Variants in NEK1 observed in about 807,000 individuals in gnomAD.
NEK1 encodes NIMA related kinase 1.
NEK1 carries 137 observed loss-of-function variants against 182.1 expected under a neutral mutation model. The observed-to-expected ratio is 0.75, with a 90% confidence interval of 0.65 to 0.87. The LOEUF is 0.87. Ranked by LOEUF, NEK1 falls within the 40% of genes least tolerant of loss-of-function variation. The pLI is 0.00. For missense variants in NEK1, 1,391 were observed against 1,494.4 expected, an observed-to-expected ratio of 0.93 and a Z score of 1.14; for synonymous variants, 513 against 492.2, an observed-to-expected ratio of 1.04 and a Z score of -0.56.
intron 2 of NEK1, among the ~76,000 whole-genome samples, chr4:169,605,806 C>A (rs1333680732): frequency 6.6e-6 from 1 of 152,084 alleles, no homozygotes; most frequent in Non-Finnish European, 1.5e-5. Context: ...ATAATTATAT[C>A]AATTCAATCT....
At position 169,479,594 on chromosome 4, in the gene NEK1, A is replaced by G. The variant is rs1425142210; in HGVS notation, c.2008-60T>C. 8.8e-6 allele frequency: 12 copies of G among 1,362,720 alleles called. No homozygotes were observed. In the African/African-American group the frequency reaches 1.8e-4, roughly 20 times the overall value. 84.4% of individuals were successfully genotyped at this position (1,362,720 alleles called of 1,614,324 possible). A position where few individuals can be genotyped will look rare whatever the true frequency, so the allele number is the denominator to read the frequency against. On this transcript the variant is annotated intron_variant, in intron 23 of 35. Coordinates refer to ENST00000507142, the MANE Select transcript of NEK1 (RefSeq NM_001199397.3). ...TTTTATATTTGTATGAAGAAATAAA[A>G]TGGTACCTACCAGATCACTATTTAT...
At position 169,571,908 on chromosome 4, in the gene NEK1, T is replaced by TG. The variant is rs1764925062; in HGVS notation, c.1020+5019_1020+5020insC. Among the ~76,000 whole-genome samples the TG allele has an allele frequency of 2.0e-5, 3 of 150,700 alleles. 1 individual carries two copies. Among genetic ancestry groups the TG allele is most frequent in the African/African-American group, 7.3e-5 (3 of 40,908 alleles). ...CATGCCCAGCTAATTTTTTTTTTTT[T>TG]TTTGTATTTTTAGTAGAGAAGGTGT... is the stretch of plus-strand genomic sequence containing the variant. On this transcript the variant is annotated intron_variant, in intron 12 of 35. Transcript: ENST00000507142.
At chr4:169,395,074 C>T (rs531045830) in intron 35 of NEK1, among the ~76,000 whole-genome samples, 2 of 152,142 alleles carry the variant, frequency 1.3e-5, no homozygotes, top group Admixed American at 6.5e-5. Flanking sequence ...CATAACTAAC[C>T]ATTACTATTT....
chr4:169,447,340 TAA>T (rs1740771768), intron 27 of NEK1, among the ~76,000 whole-genome samples: 1 of 152,016 alleles, frequency 6.6e-6, no homozygotes, highest in Non-Finnish European at 1.5e-5. Flanking sequence ...AATGAAGAAA[TAA>T]AGACTACCAG....
chr4:169,394,442 G>C lies in NEK1; in HGVS notation c.*68C>G. On this transcript the variant is annotated 3_prime_UTR_variant, in exon 36 of 36. Transcript: ENST00000507142. ...AATAATTGCTGTATTTCCCACTGAA[G>C]CTTGTTATTCTGATAAGCCAAATTC... 1.0e-6 allele frequency: 1 copy of C among 983,162 alleles called. No individual in the cohort carries two copies. Among genetic ancestry groups the C allele is most frequent in the Non-Finnish European group, 1.6e-6 (1 of 644,112 alleles). 60.9% of individuals were successfully genotyped at this position (983,162 alleles called of 1,614,324 possible). A position where few individuals can be genotyped will look rare whatever the true frequency, so the allele number is the denominator to read the frequency against.
At chr4:169,568,403 T>A (rs551137892) in intron 12 of NEK1, among the ~76,000 whole-genome samples, 1 of 152,194 alleles carries the variant, frequency 6.6e-6, no homozygotes, top group African/African-American at 2.4e-5. Flanking sequence ...CTGAACTCTA[T>A]TAGAAAACAT....
chr4:169,431,797 C>T (rs1488630590), intron 29 of NEK1, among the ~76,000 whole-genome samples: 1 of 151,044 alleles, frequency 6.6e-6, no homozygotes, highest in African/African-American at 2.4e-5. Context: ...AAAAAAAATA[C>T]TAGAAAAACT....
chr4:169,592,610 G>A (rs1302202457), intron 5 of NEK1, among the ~76,000 whole-genome samples: 2 of 151,972 alleles, frequency 1.3e-5, no homozygotes, highest in Non-Finnish European at 2.9e-5. Context: ...TTACCTCAGG[G>A]AAGTGGATTG....
intron 19 of NEK1, among the ~76,000 whole-genome samples, chr4:169,526,139 A>G (rs1219444118): frequency 6.6e-6 from 1 of 152,210 alleles, no homozygotes; most frequent in South Asian, 2.1e-4. Flanking sequence ...GTTTCCCTAA[A>G]CTGCATTTTT....
At chr4:169,435,989 A>C (rs1738341516) in intron 28 of NEK1, among the ~76,000 whole-genome samples, 1 of 152,202 alleles carries the variant, frequency 6.6e-6, no homozygotes, top group African/African-American at 2.4e-5. Flanking sequence ...CTGCAGCCTC[A>C]AACTCTTGGG....
At chr4:169,511,642 T>C (rs1754204065) in intron 19 of NEK1, among the ~76,000 whole-genome samples, 1 of 152,148 alleles carries the variant, frequency 6.6e-6, no homozygotes. Context: ...CTGACATTGA[T>C]TCAAATTATA....
chr4:169,438,566 A>G (rs776597597), intron 27 of NEK1, among the ~76,000 whole-genome samples: 10 of 152,246 alleles, frequency 6.6e-5, no homozygotes, highest in Non-Finnish European at 1.3e-4. Context: ...TATATGAAGT[A>G]ACTCCTAGTT....
intron 18 of NEK1, among the ~76,000 whole-genome samples, chr4:169,544,298 T>G (rs1280989344): frequency 1.3e-5 from 2 of 152,206 alleles, no homozygotes; most frequent in African/African-American, 4.8e-5. Flanking sequence ...GAACCAGCCT[T>G]GCCTCCCAGG....
intron 28 of NEK1, among the ~76,000 whole-genome samples, chr4:169,435,703 A>G (rs1738287071): frequency 6.6e-6 from 1 of 152,126 alleles, no homozygotes; most frequent in Non-Finnish European, 1.5e-5. Context: ...TAAAGACCAC[A>G]TTGCAATGCC....
At chr4:169,573,593 G>A (rs186181945) in intron 12 of NEK1, among the ~76,000 whole-genome samples, 5 of 152,244 alleles carry the variant, frequency 3.3e-5, no homozygotes, top group Non-Finnish European at 5.9e-5. Flanking sequence ...TATTATAAAT[G>A]AATATGGAAT....
At chr4:169,562,092 T>C in intron 13 of NEK1, 45 bp downstream of exon 13, 1 of 1,402,098 alleles carries the variant, frequency 7.1e-7, no homozygotes. Flanking sequence ...TTTTTTAAAA[T>C]TATGTTTGCA....
At chr4:169,404,839 A>G (rs1411902550) in intron 32 of NEK1, among the ~76,000 whole-genome samples, 3 of 152,062 alleles carry the variant, frequency 2.0e-5, no homozygotes, top group Non-Finnish European at 4.4e-5. Flanking sequence ...CTAAGGGGTT[A>G]TCACTCCTTA....
intron 31 of NEK1, among the ~76,000 whole-genome samples, chr4:169,409,754 C>T (rs181247012): frequency 7.9e-5 from 12 of 152,144 alleles, no homozygotes; most frequent in Admixed American, 3.9e-4. Context: ...GGCGACAGAG[C>T]GAGACTTTGT....
intron 24 of NEK1, 97 bp downstream of exon 24, chr4:169,479,306 T>C: frequency 1.6e-6 from 2 of 1,278,538 alleles, no homozygotes; most frequent in Non-Finnish European, 1.1e-6. Context: ...TAGAAAAACC[T>C]GAAAGGGACA....
Sources: allele counts gnomAD v4.1 joint callset (sites outside exome capture counted in the v4.1 genomes callset), GRCh38; gene constraint gnomAD v4.1.1; transcripts MANE v1.5; gene names NCBI Gene and HGNC (gene_info 2026-07-23, HGNC 2026-07-21).